The following CNTNAP2 variants were observed in gnomAD, a reference collection of about 807,000 sequenced individuals.
The protein encoded by CNTNAP2 is contactin associated protein 2.
CNTNAP2 carries 98 observed loss-of-function variants against 155.2 expected under a neutral mutation model. The observed-to-expected ratio is 0.63, with a 90% CI of 0.54 to 0.75. The LOEUF (loss-of-function observed/expected upper bound fraction) is 0.75, where lower values mean the gene tolerates loss of function less well. Ranked by LOEUF, CNTNAP2 falls within the 30% of genes least tolerant of loss-of-function variation. CNTNAP2 has a pLI of 0.00. For synonymous variants in CNTNAP2, 651 were observed against 631.2 expected, an observed-to-expected ratio of 1.03 and a Z score of -0.47; for missense variants, 1,727 against 1,688.1, an observed-to-expected ratio of 1.02 and a Z score of -0.40.
At chr7:146,705,745 G>A (rs1585050201) in intron 1 of CNTNAP2, among the ~76,000 whole-genome samples, 1 of 152,052 alleles carries the variant, frequency 6.6e-6, no homozygotes, top group Admixed American at 6.6e-5. Flanking sequence ...CAGATCTCAT[G>A]AGACTTATTT....
intron 1 of CNTNAP2, among the ~76,000 whole-genome samples, chr7:146,541,109 T>C (rs73741741): frequency 0.023 from 3,566 of 152,144 alleles, 149 homozygotes; most frequent in African/African-American, 0.082. Context: ...CTGTCACCTC[T>C]GCCTCCACCT....
At chr7:146,906,462 G>C (rs925125818) in intron 3 of CNTNAP2, among the ~76,000 whole-genome samples, 3 of 152,048 alleles carry the variant, frequency 2.0e-5, no homozygotes, top group African/African-American at 7.2e-5. Flanking sequence ...TCTGAAAACG[G>C]GCAGACTGCC....
chr7:147,607,387 T>A (rs1455763768), intron 12 of CNTNAP2, among the ~76,000 whole-genome samples: 4 of 151,716 alleles, frequency 2.6e-5, no homozygotes, highest in Non-Finnish European at 5.9e-5. Flanking sequence ...TTTCTCTTTC[T>A]CTTTCTCTCT....
chr7:147,800,596 T>C (rs1271477618), intron 13 of CNTNAP2, among the ~76,000 whole-genome samples: 1 of 152,134 alleles, frequency 6.6e-6, no homozygotes, highest in African/African-American at 2.4e-5. Context: ...ATACCTCAAC[T>C]TAGCAAGTTC....
At chr7:148,114,242 G>C (rs978974486) in intron 15 of CNTNAP2, among the ~76,000 whole-genome samples, 2 of 152,344 alleles carry the variant, frequency 1.3e-5, no homozygotes, top group Non-Finnish European at 2.9e-5. Flanking sequence ...TGGTGTGCTA[G>C]TGGAAGCAGT....
At chr7:147,637,565 C>A (rs564745956) in intron 12 of CNTNAP2, among the ~76,000 whole-genome samples, 1 of 152,196 alleles carries the variant, frequency 6.6e-6, no homozygotes, top group Non-Finnish European at 1.5e-5. Flanking sequence ...TCCTCTCTAC[C>A]CACTTCCTTT....
chr7:147,569,945 T>C (rs943490661), intron 12 of CNTNAP2, among the ~76,000 whole-genome samples: 5 of 152,202 alleles, frequency 3.3e-5, no homozygotes, highest in Non-Finnish European at 5.9e-5. Flanking sequence ...CATTTCCTTA[T>C]GGTTTAAAGA....
chr7:146,960,342 T>C (rs758170549), intron 3 of CNTNAP2, among the ~76,000 whole-genome samples: 40 of 152,238 alleles, frequency 2.6e-4, no homozygotes, highest in Non-Finnish European at 5.7e-4. Context: ...TAGCATTTCA[T>C]GAGTCTTTGA....
At chr7:147,277,746 A>G (rs529508726) in intron 8 of CNTNAP2, among the ~76,000 whole-genome samples, 1 of 151,496 alleles carries the variant, frequency 6.6e-6, no homozygotes, top group East Asian at 1.9e-4. Flanking sequence ...TTCCGTCTAT[A>G]AAGTTCTTAC....
At chr7:147,489,483 T>C (rs1012908775) in intron 11 of CNTNAP2, among the ~76,000 whole-genome samples, 2 of 152,238 alleles carry the variant, frequency 1.3e-5, no homozygotes, top group African/African-American at 2.4e-5. Flanking sequence ...CCACTCTCCA[T>C]AAATCCTTTA....
intron 21 of CNTNAP2, among the ~76,000 whole-genome samples, chr7:148,373,266 G>T (rs1447995998): frequency 6.6e-6 from 1 of 151,970 alleles, no homozygotes; most frequent in Non-Finnish European, 1.5e-5. Context: ...GACCAGCCTG[G>T]CCAACGTGGT....
intron 13 of CNTNAP2, among the ~76,000 whole-genome samples, chr7:147,761,586 A>G (rs890857028): frequency 6.6e-6 from 1 of 152,180 alleles, no homozygotes; most frequent in Admixed American, 6.6e-5. Context: ...AGAAGGCTCA[A>G]ACTAGGTGGT....
Position 148,250,612 on chromosome 7 carries a change from C to T in CNTNAP2, c.3382-16421C>T, listed in dbSNP as rs117679605. The stretch of plus-strand genomic sequence containing the variant: ...CTGCTCCATCATCCTCTTTTCTCTG[C>T]CCCTGCAGATTGACATCTTCAGCTC... On this transcript the variant is annotated intron_variant, in intron 20 of 23. Coordinates refer to ENST00000361727, the MANE Select transcript of CNTNAP2 (RefSeq NM_014141.6). Among the ~76,000 whole-genome samples, 1,195 of 152,328 alleles carry T rather than the reference C, an allele frequency of 7.8e-3. 9 individuals carry two copies. The highest frequency in any genetic ancestry group is 0.013 in the Non-Finnish European group (854 of 68,030).
At chr7:147,532,362 T>C (rs10260481) in intron 11 of CNTNAP2, among the ~76,000 whole-genome samples, 114,657 of 152,096 alleles carry the variant, frequency 0.75, 43,506 homozygotes, top group East Asian at 0.88. Flanking sequence ...CTGTTCCCAA[T>C]AATTTCCTCA....
At chr7:148,147,043 T>A (rs1180203490) in intron 16 of CNTNAP2, among the ~76,000 whole-genome samples, 2 of 152,178 alleles carry the variant, frequency 1.3e-5, no homozygotes, top group African/African-American at 4.8e-5. Flanking sequence ...CAGGTGACTA[T>A]GAATCACTTC....
At chr7:148,152,532 C>A (rs945856756) in intron 17 of CNTNAP2, among the ~76,000 whole-genome samples, 16 of 152,248 alleles carry the variant, frequency 1.1e-4, no homozygotes, top group African/African-American at 3.6e-4. Flanking sequence ...GAGGAAGCCA[C>A]AAATCTTGTG....
At chr7:146,765,923 G>C (rs976037787) in intron 1 of CNTNAP2, among the ~76,000 whole-genome samples, 2 of 152,004 alleles carry the variant, frequency 1.3e-5, no homozygotes, top group Admixed American at 1.3e-4. Flanking sequence ...TGGTGTGTAT[G>C]AGAGAGAGAG....
chr7:147,976,326 C>A (rs963543667), intron 14 of CNTNAP2, among the ~76,000 whole-genome samples: 2 of 152,026 alleles, frequency 1.3e-5, no homozygotes, highest in Non-Finnish European at 2.9e-5. Context: ...ATTTATTGTT[C>A]CTTTAAGAAG....
intron 1 of CNTNAP2, among the ~76,000 whole-genome samples, chr7:146,645,434 C>G (rs373244183): frequency 6.6e-6 from 1 of 152,102 alleles, no homozygotes; most frequent in Non-Finnish European, 1.5e-5. Flanking sequence ...CTGCATACCC[C>G]CTGGCCACAG....
Sources: gnomAD v4.1 joint callset for allele counts (sites outside exome capture counted in the v4.1 genomes callset) on GRCh38, gnomAD v4.1.1 for gene constraint, MANE v1.5 for transcripts, NCBI Gene and HGNC (gene_info 2026-07-23, HGNC 2026-07-21) for gene names.